Variants in EDA observed in about 807,000 individuals in gnomAD.
EDA encodes the protein ectodysplasin A.
EDA carries 2 observed loss-of-function variants against 23.6 expected under a neutral mutation model. The ratio of observed to expected loss-of-function variants is 0.08; its 90% CI spans 0.03 to 0.27. The LOEUF (loss-of-function observed/expected upper bound fraction) is 0.27, where lower values mean the gene tolerates loss of function less well. Ranked by LOEUF, EDA falls within the 10% of genes least tolerant of loss-of-function variation. The probability of loss-of-function intolerance (pLI) is 1.00; values close to 1 mark genes in which losing one functional copy is unlikely to be tolerated. For synonymous variants in EDA, 131 were observed against 132.0 expected (o/e 0.99, Z 0.05); for missense variants, 229 against 324.2 (o/e 0.71, Z 2.26).
intron 1 of EDA, among the ~76,000 whole-genome samples, chrX:69,681,946 T>C (rs754259036): frequency 9.1e-6 from 1 of 110,220 alleles, no homozygotes; most frequent in South Asian, 3.9e-4. Flanking sequence ...TCCCCATCTT[T>C]GTGGTTTTAT....
intron 1 of EDA, among the ~76,000 whole-genome samples, chrX:69,705,753 G>T (rs2011694003): frequency 8.9e-6 from 1 of 111,769 alleles, no homozygotes; most frequent in African/African-American, 3.3e-5. Context: ...CCCCATCAGT[G>T]TCCATTTTAG....
chrX:69,823,324 G>C (rs1458104667), intron 1 of EDA, among the ~76,000 whole-genome samples: 4 of 83,437 alleles, frequency 4.8e-5, no homozygotes, highest in African/African-American at 2.1e-4. Context: ...CAGTGTAAAA[G>C]TGTTCCTATT....
At chrX:69,647,163 A>G (rs1178198708) in intron 1 of EDA, among the ~76,000 whole-genome samples, 1 of 110,899 alleles carries the variant, frequency 9.0e-6, no homozygotes, top group Admixed American at 9.6e-5. Flanking sequence ...TCTGATGATT[A>G]TGTGTCTTGG....
At chrX:69,730,928 G>A (rs1602344004) in intron 1 of EDA, among the ~76,000 whole-genome samples, 2 of 112,170 alleles carry the variant, frequency 1.8e-5, no homozygotes, top group South Asian at 7.4e-4. Context: ...TAAAATTGGT[G>A]AATTTTATTA....
intron 1 of EDA, among the ~76,000 whole-genome samples, chrX:69,642,501 A>G (rs1440951037): frequency 9.9e-5 from 11 of 111,159 alleles, no homozygotes; most frequent in Non-Finnish European, 1.9e-4. Flanking sequence ...TCTTATAAAG[A>G]ACCAAGGAGA....
At chrX:69,822,225 C>T (rs749829699) in intron 1 of EDA, among the ~76,000 whole-genome samples, 2 of 111,202 alleles carry the variant, frequency 1.8e-5, no homozygotes, top group African/African-American at 6.5e-5. Flanking sequence ...TTCAGGGTTA[C>T]AATGAGCTAT....
intron 1 of EDA, among the ~76,000 whole-genome samples, chrX:69,821,840 C>T (rs915039926): frequency 1.8e-5 from 2 of 111,986 alleles, no homozygotes; most frequent in East Asian, 5.6e-4. Context: ...ATAAAATTTA[C>T]CATCTTAGGC....
intron 1 of EDA, among the ~76,000 whole-genome samples, chrX:69,705,893 T>C (rs1438912993): frequency 8.9e-6 from 1 of 112,017 alleles, no homozygotes; most frequent in Non-Finnish European, 1.9e-5. Flanking sequence ...TCAGCACTAA[T>C]TGTCATTATT....
intron 1 of EDA, among the ~76,000 whole-genome samples, chrX:69,637,607 C>T (rs967484762): frequency 6.3e-5 from 7 of 110,828 alleles, no homozygotes; most frequent in African/African-American, 2.0e-4. Flanking sequence ...ACATGGACTT[C>T]ATAGCCTGAA....
chrX:69,877,698 CTAT>C (rs2017668631), intron 1 of EDA, among the ~76,000 whole-genome samples: 1 of 111,891 alleles, frequency 8.9e-6, no homozygotes, highest in Admixed American at 9.4e-5. Context: ...CAAGTTTGTT[CTAT>C]TATAGATTGT....
Position 69,957,234 on chromosome X carries a change from G to A in EDA, c.502+102G>A. On this transcript the variant is annotated intron_variant, in intron 2 of 7. Transcript: ENST00000374552. ...TGGTAGGGCATGGTGGCTCACGCCT[G>A]TAATCCTAGCACTTTGGGAGGCCCA... 4.8e-6 allele frequency: 4 copies of A among 830,393 alleles called. No individual in the cohort carries two copies. In the South Asian group the frequency reaches 8.7e-5, roughly 18 times the overall value. 68.4% of individuals were successfully genotyped at this position (830,393 alleles called of 1,213,427 possible).
chrX:69,677,403 C>A (rs1233881620), intron 1 of EDA, among the ~76,000 whole-genome samples: 1 of 111,634 alleles, frequency 9.0e-6, no homozygotes, highest in Non-Finnish European at 1.9e-5. Flanking sequence ...GGAATCGCCA[C>A]ACTGACTTCC....
intron 1 of EDA, among the ~76,000 whole-genome samples, chrX:69,731,305 C>CTA (rs1423317346): frequency 8.9e-6 from 1 of 111,781 alleles, no homozygotes; most frequent in African/African-American, 3.2e-5. Flanking sequence ...AAAGAACCAG[C>CTA]TATTGGCTTC....
At chrX:69,956,651 A>G (rs1343892969) in intron 1 of EDA, among the ~76,000 whole-genome samples, 1 of 111,229 alleles carries the variant, frequency 9.0e-6, no homozygotes, top group Non-Finnish European at 1.9e-5. Context: ...GCCAAATTCA[A>G]GGTTTTCTGT....
intron 1 of EDA, among the ~76,000 whole-genome samples, chrX:69,658,850 C>T (rs754280952): frequency 4.5e-5 from 5 of 111,710 alleles, no homozygotes; most frequent in African/African-American, 1.3e-4. Context: ...GCTTGCATTT[C>T]GCAGTCTGTA....
At chrX:69,760,463 A>T (rs901057276) in intron 1 of EDA, among the ~76,000 whole-genome samples, 4 of 111,805 alleles carry the variant, frequency 3.6e-5, no homozygotes, top group Non-Finnish European at 7.5e-5. Flanking sequence ...AATACTTCAC[A>T]TAAGTGAAGA....
intron 1 of EDA, among the ~76,000 whole-genome samples, chrX:69,846,752 C>T (rs764572202): frequency 1.8e-5 from 2 of 111,543 alleles, no homozygotes; most frequent in Non-Finnish European, 3.8e-5. Flanking sequence ...ATAAACAACT[C>T]CCAGGAATAT....
chrX:69,782,234 C>T (rs1430124839), intron 1 of EDA, among the ~76,000 whole-genome samples: 1 of 108,959 alleles, frequency 9.2e-6, no homozygotes, highest in Non-Finnish European at 1.9e-5. Flanking sequence ...GGAGTGCCAT[C>T]AAGATGGGGA....
At chrX:69,694,881 G>A (rs1272296874) in intron 1 of EDA, among the ~76,000 whole-genome samples, 1 of 111,985 alleles carries the variant, frequency 8.9e-6, no homozygotes, top group Non-Finnish European at 1.9e-5. Flanking sequence ...TATTGAATAA[G>A]CCCAGTTAGT....
Sources: allele counts gnomAD v4.1 joint callset (sites outside exome capture counted in the v4.1 genomes callset), GRCh38; gene constraint gnomAD v4.1.1; transcripts MANE v1.5; gene names NCBI Gene and HGNC (gene_info 2026-07-23, HGNC 2026-07-21).